The following TXLNB variants were observed in gnomAD, a reference collection of about 807,000 sequenced individuals.
TXLNB encodes beta-taxilin.
In TXLNB, 37 loss-of-function variants were observed where a neutral mutation model predicts 57.4. The observed-to-expected ratio is 0.64, with a 90% confidence interval of 0.50 to 0.85. The LOEUF (loss-of-function observed/expected upper bound fraction) is 0.85, where lower values mean the gene tolerates loss of function less well. Among genes scored for constraint, TXLNB ranks in the 40% least tolerant of loss-of-function variants. The pLI is 0.00. For synonymous variants in TXLNB, 302 were observed against 309.6 expected (o/e 0.98, Z 0.26); for missense variants, 848 against 825.6 (o/e 1.03, Z -0.33).
the TXLNB span, among the ~76,000 whole-genome samples, chr6:139,222,414 T>A: frequency 1.3e-5 from 2 of 152,168 alleles, no homozygotes; most frequent in African/African-American, 4.8e-5. Flanking sequence ...AGATATTTCA[T>A]AATAAAGTGG....
the TXLNB span, among the ~76,000 whole-genome samples, chr6:139,185,967 T>C: frequency 6.6e-6 from 1 of 152,102 alleles, no homozygotes; most frequent in Non-Finnish European, 1.5e-5. Flanking sequence ...CAGACATTAG[T>C]TAGTCAGCAA....
chr6:139,302,408 A>G, the TXLNB span, among the ~76,000 whole-genome samples: 63 of 152,188 alleles, frequency 4.1e-4, no homozygotes, highest in African/African-American at 1.3e-3. Flanking sequence ...AGCAACCACA[A>G]AAATGAATCT....
At chr6:139,274,189 G>T (rs941963147) in intron 3 of TXLNB, among the ~76,000 whole-genome samples, 1 of 152,138 alleles carries the variant, frequency 6.6e-6, no homozygotes, top group Admixed American at 6.5e-5. Flanking sequence ...ACTTATTAAT[G>T]AGCTTATCTT....
At chr6:139,273,600 G>A (rs993006256) in intron 3 of TXLNB, among the ~76,000 whole-genome samples, 11 of 144,174 alleles carry the variant, frequency 7.6e-5, no homozygotes, top group Non-Finnish European at 1.6e-4. Context: ...GAGTAGCTGG[G>A]ACAACAGTTG....
At chr6:139,244,044 C>G (rs982053026) in intron 9 of TXLNB, among the ~76,000 whole-genome samples, 5 of 152,158 alleles carry the variant, frequency 3.3e-5, no homozygotes, top group African/African-American at 1.2e-4. Context: ...CCCTACCTCT[C>G]AGGTCAGGGG....
chr6:139,267,062 A>T (rs986578050), intron 4 of TXLNB, among the ~76,000 whole-genome samples: 1 of 151,846 alleles, frequency 6.6e-6, no homozygotes, highest in Non-Finnish European at 1.5e-5. Context: ...AAGATGTTTT[A>T]AAGATAAAAG....
the TXLNB span, among the ~76,000 whole-genome samples, chr6:139,185,570 G>A: frequency 9.2e-5 from 14 of 152,056 alleles, no homozygotes; most frequent in Non-Finnish European, 8.8e-5. Context: ...ACGTGGTGGT[G>A]GGCACCTGTA....
chr6:139,244,365 G>A (rs1307936123), intron 9 of TXLNB, among the ~76,000 whole-genome samples: 1 of 152,120 alleles, frequency 6.6e-6, no homozygotes, highest in Non-Finnish European at 1.5e-5. Context: ...GAATCAACAG[G>A]TAAGCATGTG....
At chr6:139,248,115 C>T (rs181150895) in intron 7 of TXLNB, among the ~76,000 whole-genome samples, 2 of 152,294 alleles carry the variant, frequency 1.3e-5, no homozygotes, top group African/African-American at 4.8e-5. Flanking sequence ...TGGCTCACGC[C>T]TGTAATGCCA....
the TXLNB span, among the ~76,000 whole-genome samples, chr6:139,299,909 C>T: frequency 6.6e-6 from 1 of 152,136 alleles, no homozygotes; most frequent in African/African-American, 2.4e-5. Context: ...GATGTTTTAC[C>T]ATACAAGCAC....
At chr6:139,194,059 T>C in the TXLNB span, among the ~76,000 whole-genome samples, 1 of 151,538 alleles carries the variant, frequency 6.6e-6, no homozygotes, top group Non-Finnish European at 1.5e-5. Context: ...GCCAGGATGG[T>C]CTCGATCTCC....
At chr6:139,163,400 G>C in the TXLNB span, among the ~76,000 whole-genome samples, 20 of 150,084 alleles carry the variant, frequency 1.3e-4, no homozygotes, top group Admixed American at 2.0e-4. Flanking sequence ...TGCCACTCAG[G>C]CTGGTGTGCA....
the TXLNB span, among the ~76,000 whole-genome samples, chr6:139,216,786 G>C: frequency 6.6e-6 from 1 of 152,124 alleles, no homozygotes; most frequent in Non-Finnish European, 1.5e-5. Context: ...ATCATCATAT[G>C]TTCTCATTTA....
chr6:139,273,270 C>T (rs1357670629), intron 3 of TXLNB, among the ~76,000 whole-genome samples: 4 of 152,072 alleles, frequency 2.6e-5, no homozygotes, highest in African/African-American at 7.2e-5. Flanking sequence ...TGCCCAATTG[C>T]GACACCCCAA....
At chr6:139,221,282 T>C in the TXLNB span, among the ~76,000 whole-genome samples, 3 of 152,130 alleles carry the variant, frequency 2.0e-5, no homozygotes, top group Non-Finnish European at 4.4e-5. Context: ...TCCATGCTTT[T>C]AGTTGGGACC....
chr6:139,281,276 T>A (rs1777041139), intron 2 of TXLNB, among the ~76,000 whole-genome samples: 1 of 152,316 alleles, frequency 6.6e-6, no homozygotes, highest in South Asian at 2.1e-4. Context: ...ATATTTGTTA[T>A]CTTAGACTAT....
At chr6:139,198,171 A>G in the TXLNB span, among the ~76,000 whole-genome samples, 1 of 151,988 alleles carries the variant, frequency 6.6e-6, no homozygotes, top group East Asian at 1.9e-4. Context: ...TTGTTTTAGG[A>G]GGGCCTACTC....
the TXLNB span, among the ~76,000 whole-genome samples, chr6:139,216,637 TA>T: frequency 6.6e-6 from 1 of 151,948 alleles, no homozygotes; most frequent in African/African-American, 2.4e-5. Flanking sequence ...ATAATAATTT[TA>T]AAAAAAGAAA....
At chr6:139,260,609 AC>A (rs1776456230) in intron 5 of TXLNB, among the ~76,000 whole-genome samples, 172 bp from the exon 6 acceptor site, 1 of 152,124 alleles carries the variant, frequency 6.6e-6, no homozygotes, top group South Asian at 2.1e-4. Flanking sequence ...AAATTGGTGA[AC>A]CCCTCCCCCT....
Sources: allele counts gnomAD v4.1 joint callset (sites outside exome capture counted in the v4.1 genomes callset), GRCh38; gene constraint gnomAD v4.1.1; transcripts MANE v1.5; gene names NCBI Gene and HGNC (gene_info 2026-07-23, HGNC 2026-07-21).